OLFML2A: variants seen among roughly 807,000 people sequenced by gnomAD.
The protein encoded by OLFML2A is olfactomedin like 2A, also known as olfactomedin-like protein 2A.
OLFML2A carries 47 observed loss-of-function variants against 60.9 expected under a neutral mutation model. The ratio of observed to expected loss-of-function variants is 0.77; its 90% confidence interval spans 0.61 to 0.98. OLFML2A has a LOEUF of 0.98. OLFML2A is among the 50% of genes least tolerant of loss of function. The pLI, the probability that OLFML2A is intolerant of heterozygous loss-of-function variation, is 0.00. For synonymous variants in OLFML2A, 372 were observed against 375.0 expected (o/e 0.99, Z 0.09); for missense variants, 922 against 879.8 (o/e 1.05, Z -0.61).
chr9:124,779,865 C>G lies in OLFML2A; in HGVS notation c.90+2505C>G, dbSNP rs1841329300. Among the ~76,000 whole-genome samples, 1 of 152,184 alleles carries G rather than the reference C, an allele frequency of 6.6e-6. No homozygotes were observed. The highest frequency in any genetic ancestry group is 2.1e-4 in the South Asian group (1 of 4,830). On this transcript the variant is annotated intron_variant, in intron 1 of 7. Coordinates refer to ENST00000373580, the MANE Select transcript of OLFML2A (RefSeq NM_182487.4). This position sits in a 1 kb window ranked among gnomAD's most constrained non-coding sequence, Gnocchi z 4.1. ...GTTTTCCCTGGGGTGGAGGATGAGC[C>G]CTTCGGAGGGCCAGCCTGGGACTTG...
chr9:124,780,469 G>A (rs912492790), intron 1 of OLFML2A, among the ~76,000 whole-genome samples: 8 of 152,214 alleles, frequency 5.3e-5, no homozygotes, highest in East Asian at 1.9e-4. Flanking sequence ...GCAGGCAGGC[G>A]GTGGTGTCCG....
intron 2 of OLFML2A, among the ~76,000 whole-genome samples, chr9:124,791,860 T>A (rs1450285225): frequency 6.6e-6 from 1 of 152,034 alleles, no homozygotes; most frequent in East Asian, 1.9e-4. Flanking sequence ...CTACAAAAGT[T>A]CCTAAAAAAC....
intron 2 of OLFML2A, among the ~76,000 whole-genome samples, chr9:124,792,923 C>T (rs1841595034): frequency 8.7e-6 from 1 of 115,172 alleles, no homozygotes; most frequent in Non-Finnish European, 1.9e-5. Context: ...CCCATGCAGA[C>T]CCTCGGGGCC....
chr9:124,807,539 T>C (rs1386169355), intron 6 of OLFML2A, among the ~76,000 whole-genome samples: 1 of 152,224 alleles, frequency 6.6e-6, no homozygotes, highest in African/African-American at 2.4e-5. Context: ...TGCCTTGGCC[T>C]CCCAAAGTGC....
At chr9:124,797,333 C>A (rs1315671195) in intron 3 of OLFML2A, among the ~76,000 whole-genome samples, 1 of 152,188 alleles carries the variant, frequency 6.6e-6, no homozygotes. Flanking sequence ...TTTTGGTCCT[C>A]ACAGTGACCC....
chr9:124,784,453 C>G (rs1330599975), intron 1 of OLFML2A, among the ~76,000 whole-genome samples: 1 of 152,218 alleles, frequency 6.6e-6, no homozygotes, highest in South Asian at 2.1e-4. Context: ...CCACCCGCCT[C>G]GGCCTCCCAA....
In OLFML2A at chr9:124,777,586, G is replaced by A. The variant is rs953185892; in HGVS notation, c.90+226G>A. Among the ~76,000 whole-genome samples the A allele has an allele frequency of 6.6e-6, 1 of 152,174 alleles. No individual in the cohort carries two copies. Among genetic ancestry groups the A allele is most frequent in the Admixed American group, 6.5e-5 (1 of 15,282 alleles). On this transcript the variant is annotated intron_variant, in intron 1 of 7. Transcript: ENST00000373580. This position sits in a 1 kb window ranked among gnomAD's most constrained non-coding sequence, Gnocchi z 6.2. ...AGATGTAGGGATGCTAGGGACCCGGGGCCTGAGGAAGGGGCGCTGGGACCG... is the reference window on the plus strand; with the variant it reads ...AGATGTAGGGATGCTAGGGACCCGGAGCCTGAGGAAGGGGCGCTGGGACCG...
At chr9:124,784,671 A>G (rs1351885340) in intron 1 of OLFML2A, among the ~76,000 whole-genome samples, 2 of 152,168 alleles carry the variant, frequency 1.3e-5, no homozygotes, top group Admixed American at 6.5e-5. Context: ...AAGCATCACC[A>G]CTATCTATTA....
rs745542732 is a variant in OLFML2A at position 124,809,872 on chromosome 9, G to C, written c.1419G>C (p.Gln473His). 6.2e-7 allele frequency: 1 copy of C among 1,614,144 alleles called. No individual in the cohort carries two copies. The highest frequency in any genetic ancestry group is 8.5e-7 in the Non-Finnish European group (1 of 1,180,004). ...NWIGTGHVVY[Q>H]GAFYYNRAFT... ...TCGGCACAGGCCACGTGGTGTACCA[G>C]GGCGCCTTCTACTACAACCGCGCCT... Residue 473 changes from glutamine (Q) to histidine (H), a missense_variant, in exon 8 of 8, where the codon CAG becomes CAC. Transcript: ENST00000373580.
At chr9:124,781,484 CAGACCCA>C (rs1841360282) in intron 1 of OLFML2A, among the ~76,000 whole-genome samples, 2 of 152,210 alleles carry the variant, frequency 1.3e-5, no homozygotes, top group East Asian at 3.9e-4. Context: ...GGAAAAAGGG[CAGACCCA>C]ACTTCAAGAT....
At chr9:124,798,239 C>T (rs1308920286) in intron 3 of OLFML2A, among the ~76,000 whole-genome samples, 4 of 152,214 alleles carry the variant, frequency 2.6e-5, no homozygotes, top group East Asian at 3.8e-4. Flanking sequence ...TGGTGGCTCA[C>T]GCCTGTAATC....
chr9:124,785,915 A>T (rs1376441048), intron 1 of OLFML2A, among the ~76,000 whole-genome samples: 1 of 152,106 alleles, frequency 6.6e-6, no homozygotes, highest in East Asian at 1.9e-4. Context: ...GGAGTTCAAG[A>T]CCAGCCTGGG....
chr9:124,809,921 G>C lies in OLFML2A; in HGVS notation c.1468G>C (p.Asp490His), dbSNP rs565853896. 33 of 1,614,186 alleles carry C rather than the reference G, an allele frequency of 2.0e-5. No individual in the cohort carries two copies. The East Asian group carries it at 6.5e-4, about 32-fold the overall frequency. The change falls in exon 8 of 8, where the codon GAC becomes CAC. Residue 490 changes from aspartate to histidine, a missense_variant. Asp to His is a moderately conservative substitution (Grantham distance 81). Transcript: ENST00000373580. ...CTTCACCAAGAACATCATCAAGTAC[G>C]ACCTACGGCAGCGCTTCGTGGCCTC... ...RAFTKNIIKY[D>H]LRQRFVASWA...
At chr9:124,780,624 G>C (rs1055844650) in intron 1 of OLFML2A, among the ~76,000 whole-genome samples, 1 of 152,302 alleles carries the variant, frequency 6.6e-6, no homozygotes, top group South Asian at 2.1e-4. Context: ...GTCCTCCTTC[G>C]ACACATCAAG....
Position 124,814,411 on chromosome 9 carries a change from T to G in OLFML2A, c.*3999T>G, listed in dbSNP as rs1430529054. 6.6e-6 allele frequency: 1 copy of G among 152,138 alleles called. No individual in the cohort carries two copies. Among genetic ancestry groups the G allele is most frequent in the South Asian group, 2.1e-4 (1 of 4,828 alleles). The allele number at this position is 152,138 out of a possible 1,614,324, so 9.4% of individuals were successfully genotyped here. A position where few individuals can be genotyped will look rare whatever the true frequency, so the allele number is the denominator to read the frequency against. ...GAACTCCCTCTTACAGCTAAGAACA[T>G]GCAGCTTAGTGAGGACAAGACCCTT... On this transcript the variant is annotated 3_prime_UTR_variant, in exon 8 of 8. Coordinates refer to ENST00000373580, the MANE Select transcript of OLFML2A (RefSeq NM_182487.4).
intron 5 of OLFML2A, among the ~76,000 whole-genome samples, chr9:124,803,578 C>T (rs947450684): frequency 3.9e-5 from 6 of 152,210 alleles, no homozygotes; most frequent in Non-Finnish European, 5.9e-5. Flanking sequence ...TAAGCACTTT[C>T]GTTCATGCCG....
At chr9:124,787,758 C>T (rs569433447) in intron 2 of OLFML2A, among the ~76,000 whole-genome samples, 1 of 151,722 alleles carries the variant, frequency 6.6e-6, no homozygotes, top group African/African-American at 2.4e-5. Flanking sequence ...AGGGTTTCAC[C>T]ATGTTTCCCA....
At chr9:124,786,830 ACCTCTAATTGCACCC>A (rs1420811705) in intron 1 of OLFML2A, 130 bp from the exon 2 acceptor site, 16 of 690,986 alleles carry the variant, frequency 2.3e-5, no homozygotes, top group East Asian at 1.5e-4. Flanking sequence ...GGGCTTCACC[ACCTCTAATTGCACCC>A]CCTCCTACCT....
chr9:124,789,532 C>T (rs1376887371), intron 2 of OLFML2A, among the ~76,000 whole-genome samples: 1 of 152,190 alleles, frequency 6.6e-6, no homozygotes, highest in African/African-American at 2.4e-5. Context: ...CTTAGAGAAT[C>T]TGTATCTTTT....
Sources: gnomAD v4.1 joint callset for allele counts (sites outside exome capture counted in the v4.1 genomes callset) on GRCh38, gnomAD v4.1.1 for gene constraint, Gnocchi (gnomAD v3.1) non-coding constraint, MANE v1.5 for transcripts, NCBI Gene and HGNC (gene_info 2026-07-23, HGNC 2026-07-21) for gene names.